UBE2F: variants seen among roughly 807,000 people sequenced by gnomAD.
The protein encoded by UBE2F is ubiquitin conjugating enzyme E2 F (putative), also known as NEDD8-conjugating enzyme UBE2F.
Under a neutral mutation model 29.6 loss-of-function variants are expected in UBE2F, and 5 were observed. The ratio of observed to expected loss-of-function variants is 0.17; its 90% CI spans 0.09 to 0.36. The LOEUF (loss-of-function observed/expected upper bound fraction) is 0.36. UBE2F is among the 10% of genes least tolerant of loss of function. UBE2F has a pLI of 1.00. For synonymous variants in UBE2F, 66 were observed against 81.8 expected, an observed-to-expected ratio of 0.81 and a Z score of 1.04; for missense variants, 141 against 228.5, an observed-to-expected ratio of 0.62 and a Z score of 2.47.
intron 2 of UBE2F, among the ~76,000 whole-genome samples, chr2:237,980,373 G>T (rs2063356085): frequency 6.6e-6 from 1 of 152,244 alleles, no homozygotes; most frequent in Non-Finnish European, 1.5e-5. Context: ...TCAAGTTCCT[G>T]ATGAGAGCTC....
intron 3 of UBE2F, among the ~76,000 whole-genome samples, chr2:237,988,878 T>G (rs1257955526): frequency 6.6e-6 from 1 of 152,094 alleles, no homozygotes; most frequent in Admixed American, 6.6e-5. Context: ...TCAGTGGGAG[T>G]CCATCTTGCT....
chr2:237,997,124 G>T (rs2106356515), intron 4 of UBE2F, among the ~76,000 whole-genome samples: 1 of 152,262 alleles, frequency 6.6e-6, no homozygotes, highest in African/African-American at 2.4e-5. Flanking sequence ...CTACTCAGGA[G>T]GCTGAGGCAG....
chr2:237,969,895 G>GT (rs1378788305), intron 1 of UBE2F, among the ~76,000 whole-genome samples: 1 of 152,238 alleles, frequency 6.6e-6, no homozygotes, highest in African/African-American at 2.4e-5. Context: ...CTGTGAAGAT[G>GT]TGCTCTTATG....
chr2:237,998,278 A>C (rs1316500136), intron 4 of UBE2F, among the ~76,000 whole-genome samples: 1 of 152,180 alleles, frequency 6.6e-6, no homozygotes, highest in Non-Finnish European at 1.5e-5. Context: ...CATCATTCCC[A>C]AAGTTTCCTT....
At chr2:238,036,278 TCCTC>T (rs1363821941) in intron 9 of UBE2F, among the ~76,000 whole-genome samples, 19 of 152,284 alleles carry the variant, frequency 1.2e-4, no homozygotes, top group African/African-American at 4.6e-4. Context: ...GCTCAAGTGA[TCCTC>T]CCTCTTCAGC....
chr2:238,009,657 A>G lies in UBE2F; in HGVS notation c.215-6909A>G, dbSNP rs184197307. On this transcript the variant is annotated intron_variant, in intron 4 of 9. Coordinates refer to ENST00000272930, the MANE Select transcript of UBE2F (RefSeq NM_080678.3). ...ATTGTGCCTTTGTCTGCAGCCCTGC[A>G]TCCCAGAGTCCTGGCCACTCCCTGG... 2.6e-4 allele frequency among the ~76,000 whole-genome samples: 40 copies of G among 152,328 alleles called. No individual in the cohort carries two copies. In the East Asian group the frequency reaches 6.6e-3, roughly 25 times the overall value.
Position 238,040,491 on chromosome 2 carries a change from C to G in UBE2F, c.508-797C>G, listed in dbSNP as rs1054984656. Among the ~76,000 whole-genome samples the G allele has an allele frequency of 1.3e-5, 2 of 152,080 alleles. No homozygotes were observed. Among genetic ancestry groups the G allele is most frequent in the African/African-American group, 4.8e-5 (2 of 41,408 alleles). On this transcript the variant is annotated intron_variant, in intron 9 of 9. Transcript: ENST00000272930. This position sits in a 1 kb window ranked among gnomAD's most constrained non-coding sequence, Gnocchi z 4.4. ...GGGGGCTGCATGGCATTGATGGGAC[C>G]GAAGCAGTGTGATCCTGCAGGGACA... is the stretch of plus-strand genomic sequence containing the variant.
In UBE2F at chr2:237,967,108, G is replaced by C; in HGVS notation, c.-41G>C. On this transcript the variant is annotated 5_prime_UTR_variant, in exon 1 of 10. Transcript: ENST00000272930. This position sits in a 1 kb window ranked among gnomAD's most constrained non-coding sequence, Gnocchi z 6.3. Reference sequence around the variant, plus strand: ...GGGCATGGTGTTGGGCGCCGGGCCCGCCTCGCCTGTCTCGGGGAGCCCAGG... The same window carrying C: ...GGGCATGGTGTTGGGCGCCGGGCCCCCCTCGCCTGTCTCGGGGAGCCCAGG... The C allele has an allele frequency of 7.4e-7, 1 of 1,343,088 alleles. No individual in the cohort carries two copies. Among genetic ancestry groups the C allele is most frequent in the Non-Finnish European group, 9.6e-7 (1 of 1,043,328 alleles). The allele number at this position is 1,343,088 out of a possible 1,614,324, so 83.2% of individuals were successfully genotyped here. A position where few individuals can be genotyped will look rare whatever the true frequency, so the allele number is the denominator to read the frequency against.
chr2:237,998,621 T>G (rs998550965), intron 4 of UBE2F, among the ~76,000 whole-genome samples: 6 of 151,966 alleles, frequency 3.9e-5, no homozygotes, highest in African/African-American at 1.2e-4. Context: ...GCTTTTTTTT[T>G]TTTTTTTACA....
At chr2:237,994,689 A>C in intron 3 of UBE2F, 55 bp from the exon 4 acceptor site, 1 of 1,424,716 alleles carries the variant, frequency 7.0e-7, no homozygotes, top group Non-Finnish European at 9.9e-7. Flanking sequence ...GTTAGCGTCA[A>C]CATATGGACT....
chr2:238,036,798 G>A (rs1288143976), intron 9 of UBE2F, among the ~76,000 whole-genome samples: 1 of 152,150 alleles, frequency 6.6e-6, no homozygotes, highest in East Asian at 1.9e-4. Flanking sequence ...CAGCCTGGGT[G>A]ACAGAATGAG....
At chr2:237,987,456 T>C (rs1453383466) in intron 2 of UBE2F, among the ~76,000 whole-genome samples, 1 of 152,202 alleles carries the variant, frequency 6.6e-6, no homozygotes, top group Non-Finnish European at 1.5e-5. Context: ...AGTTTTGTCC[T>C]GCAGAGGGGG....
At chr2:237,979,247 C>T (rs1381277048) in intron 2 of UBE2F, among the ~76,000 whole-genome samples, 1 of 152,188 alleles carries the variant, frequency 6.6e-6, no homozygotes, top group African/African-American at 2.4e-5. Flanking sequence ...CTTGTTTTGG[C>T]TGATGGGAGC....
At chr2:238,011,760 T>C (rs1002920754) in intron 4 of UBE2F, among the ~76,000 whole-genome samples, 1 of 152,238 alleles carries the variant, frequency 6.6e-6, no homozygotes, top group African/African-American at 2.4e-5. Context: ...TTTATAGATA[T>C]AAACACTCAG....
chr2:237,968,926 T>G, intron 1 of UBE2F: 1 of 780,158 alleles, frequency 1.3e-6, no homozygotes, highest in Non-Finnish European at 1.6e-6. Context: ...AGCTAGCCTC[T>G]TGACAGTTTG....
chr2:238,000,217 T>C (rs2106360947), intron 4 of UBE2F, among the ~76,000 whole-genome samples: 1 of 152,344 alleles, frequency 6.6e-6, no homozygotes, highest in East Asian at 1.9e-4. Context: ...CTCATTTTTC[T>C]TGATCATGTT....
In UBE2F at chr2:237,967,043, C is replaced by T. The variant is rs1185202202; in HGVS notation, c.-106C>T. Reference sequence around the variant, plus strand: ...CCGGTCCCGCCGCCGGGAGCCGGTGCGGCTGTGAGGGGCCGCGTCTCGCAG... The same window carrying T: ...CCGGTCCCGCCGCCGGGAGCCGGTGTGGCTGTGAGGGGCCGCGTCTCGCAG... On this transcript the variant is annotated 5_prime_UTR_variant, in exon 1 of 10. Coordinates refer to ENST00000272930, the MANE Select transcript of UBE2F (RefSeq NM_080678.3). The surrounding 1 kb of genome is among the most constrained non-coding windows in gnomAD (Gnocchi z 6.3). 65 of 1,297,946 alleles carry T rather than the reference C, an allele frequency of 5.0e-5. No individual in the cohort carries two copies. Among genetic ancestry groups the T allele is most frequent in the Non-Finnish European group, 6.0e-5 (61 of 1,022,072 alleles). 80.4% of individuals were successfully genotyped at this position (1,297,946 alleles called of 1,614,324 possible). A position where few individuals can be genotyped will look rare whatever the true frequency, so the allele number is the denominator to read the frequency against.
intron 7 of UBE2F, among the ~76,000 whole-genome samples, chr2:238,031,412 T>A (rs745547601): frequency 2.6e-5 from 4 of 152,166 alleles, no homozygotes; most frequent in Non-Finnish European, 5.9e-5. Flanking sequence ...TGCCCATCTG[T>A]ACATCCCCCT....
At chr2:238,016,537 T>TTTTCG in intron 4 of UBE2F, 29 bp from the exon 5 acceptor site, 1 of 1,583,804 alleles carries the variant, frequency 6.3e-7, no homozygotes, top group Non-Finnish European at 8.6e-7. Flanking sequence ...TTAAAGGATT[T>TTTTCG]TTTTGTTTTG....
Sources: gnomAD v4.1 joint callset for allele counts (sites outside exome capture counted in the v4.1 genomes callset) on GRCh38, gnomAD v4.1.1 for gene constraint, Gnocchi (gnomAD v3.1) non-coding constraint, MANE v1.5 for transcripts, NCBI Gene and HGNC (gene_info 2026-07-23, HGNC 2026-07-21) for gene names.